Variants in ATRNL1 observed in about 807,000 individuals in gnomAD.
ATRNL1 encodes the protein attractin-like protein 1.
In ATRNL1, 95 loss-of-function variants were observed where a neutral mutation model predicts 182.7. The observed-to-expected ratio is 0.52, with a 90% CI of 0.44 to 0.62. The LOEUF is 0.62. Among genes scored for constraint, ATRNL1 ranks in the 20% least tolerant of loss-of-function variants. ATRNL1 has a pLI of 0.00. For missense variants in ATRNL1, 1,471 were observed against 1,679.5 expected (o/e 0.88, Z 2.17); for synonymous variants, 576 against 568.3 (o/e 1.01, Z -0.19).
chr10:115,444,206 T>C (rs1592666876), intron 21 of ATRNL1, among the ~76,000 whole-genome samples: 1 of 152,248 alleles, frequency 6.6e-6, no homozygotes, highest in East Asian at 1.9e-4. Context: ...TTTGTCAGGT[T>C]GTTGGATACA....
intron 27 of ATRNL1, among the ~76,000 whole-genome samples, chr10:115,837,992 C>A (rs1555096017): frequency 6.6e-6 from 1 of 152,140 alleles, no homozygotes; most frequent in Non-Finnish European, 1.5e-5. Flanking sequence ...CTACTTTTTG[C>A]CAGTCACTAT....
chr10:115,471,141 T>C (rs1848290947), intron 24 of ATRNL1, among the ~76,000 whole-genome samples: 1 of 150,786 alleles, frequency 6.6e-6, no homozygotes, highest in Non-Finnish European at 1.5e-5. Context: ...TTTAAAGGCT[T>C]AATAATATTC....
At chr10:115,620,695 C>T (rs1351627608) in intron 26 of ATRNL1, among the ~76,000 whole-genome samples, 1 of 152,170 alleles carries the variant, frequency 6.6e-6, no homozygotes, top group Non-Finnish European at 1.5e-5. Context: ...TATGAGTTCT[C>T]ATTTATTAAA....
chr10:115,897,917 G>A (rs1383494951), intron 28 of ATRNL1, among the ~76,000 whole-genome samples: 5 of 151,112 alleles, frequency 3.3e-5, no homozygotes, highest in South Asian at 2.1e-4. Flanking sequence ...ATATATTCTC[G>A]TATAGGTCAT....
intron 27 of ATRNL1, among the ~76,000 whole-genome samples, chr10:115,744,604 T>G (rs2134104782): frequency 6.6e-6 from 1 of 152,230 alleles, no homozygotes; most frequent in Non-Finnish European, 1.5e-5. Context: ...GTAATAAAGA[T>G]ATTTCATTAT....
chr10:115,315,642 G>A lies in ATRNL1; in HGVS notation c.2943G>A (p.Met981Ile). Reference sequence around the variant, plus strand: ...TTGAAGGTTCTTCACGGGGACCAATGAAGCTTATTGGAATGCACCACAGTG... The same window carrying A: ...TTGAAGGTTCTTCACGGGGACCAATAAAGCTTATTGGAATGCACCACAGTG... ...HCIEGSSRGP[M>I]KLIGMHHSEM... The change falls in exon 18 of 29, where the codon ATG (methionine) becomes ATA (isoleucine). Residue 981 changes from methionine to isoleucine, a missense_variant. Coordinates refer to ENST00000355044, the MANE Select transcript of ATRNL1 (RefSeq NM_207303.4). The A allele has an allele frequency of 6.2e-7, 1 of 1,613,846 alleles. No individual in the cohort carries two copies. Among genetic ancestry groups the A allele is most frequent in the South Asian group, 1.1e-5 (1 of 91,076 alleles).
chr10:115,099,222 A>G (rs2085098650), intron 1 of ATRNL1, among the ~76,000 whole-genome samples: 2 of 152,180 alleles, frequency 1.3e-5, no homozygotes, highest in Non-Finnish European at 1.5e-5. Flanking sequence ...CTTCTTTCAC[A>G]CAGCGTGTTT....
chr10:115,131,889 A>G (rs1453485339), intron 5 of ATRNL1, among the ~76,000 whole-genome samples: 2 of 152,200 alleles, frequency 1.3e-5, no homozygotes, highest in African/African-American at 4.8e-5. Flanking sequence ...GATAACACAG[A>G]GGAAAAACCT....
intron 26 of ATRNL1, among the ~76,000 whole-genome samples, chr10:115,677,564 A>AG (rs1945904749): frequency 6.6e-6 from 1 of 152,028 alleles, no homozygotes; most frequent in African/African-American, 2.4e-5. Context: ...TGGGTTTATC[A>AG]GGGGTTTCTG....
At chr10:115,784,811 A>G (rs1949356904) in intron 27 of ATRNL1, among the ~76,000 whole-genome samples, 1 of 152,096 alleles carries the variant, frequency 6.6e-6, no homozygotes. Flanking sequence ...ACCCACCCTA[A>G]TCCAATACGA....
At chr10:115,504,656 A>C (rs1554980851) in intron 24 of ATRNL1, among the ~76,000 whole-genome samples, 1 of 152,122 alleles carries the variant, frequency 6.6e-6, no homozygotes. Flanking sequence ...AATTCTTAAC[A>C]CATTTTTAAT....
intron 26 of ATRNL1, among the ~76,000 whole-genome samples, chr10:115,720,150 A>T (rs1947378308): frequency 1.3e-5 from 2 of 152,174 alleles, no homozygotes; most frequent in Non-Finnish European, 2.9e-5. Context: ...GGTGTGAGCC[A>T]CTGCGTCTGG....
chr10:115,427,148 T>C (rs1472494937), intron 21 of ATRNL1, among the ~76,000 whole-genome samples: 1 of 152,198 alleles, frequency 6.6e-6, no homozygotes, highest in Non-Finnish European at 1.5e-5. Flanking sequence ...TTAGAGTTAG[T>C]CCAAGTTTTA....
intron 7 of ATRNL1, among the ~76,000 whole-genome samples, chr10:115,165,888 A>C (rs1444623726): frequency 6.6e-6 from 1 of 152,140 alleles, no homozygotes; most frequent in Non-Finnish European, 1.5e-5. Flanking sequence ...TGCCTAGTCA[A>C]TCACTTAAAA....
At chr10:115,596,937 CATTTATTTCCT>C (rs1856279754) in intron 26 of ATRNL1, among the ~76,000 whole-genome samples, 1 of 151,876 alleles carries the variant, frequency 6.6e-6, no homozygotes, top group South Asian at 2.1e-4. Context: ...TATAATGTTA[CATTTATTTCCT>C]ATTTATTTTG....
chr10:115,103,330 C>T (rs149864390), intron 1 of ATRNL1, among the ~76,000 whole-genome samples: 244 of 152,046 alleles, frequency 1.6e-3, no homozygotes, highest in African/African-American at 5.5e-3. Flanking sequence ...TGAGCCACTG[C>T]GCCTGGTCAT....
At chr10:115,676,323 T>C (rs1332558381) in intron 26 of ATRNL1, among the ~76,000 whole-genome samples, 1 of 152,006 alleles carries the variant, frequency 6.6e-6, no homozygotes, top group African/African-American at 2.4e-5. Flanking sequence ...GCTTAACTCA[T>C]TAAAGAAAAC....
intron 26 of ATRNL1, among the ~76,000 whole-genome samples, chr10:115,678,964 A>G (rs1347218246): frequency 6.6e-6 from 1 of 152,140 alleles, no homozygotes; most frequent in Non-Finnish European, 1.5e-5. Context: ...TAAGTTAAAC[A>G]GTGTAAACCC....
In ATRNL1 at chr10:115,444,917, G is replaced by A. The variant is rs188877645; in HGVS notation, c.3323-17024G>A. Among the ~76,000 whole-genome samples the A allele has an allele frequency of 1.2e-3, 175 of 151,314 alleles. 1 individual carries two copies. In the East Asian group the frequency reaches 0.012, roughly 10 times the overall value. On this transcript the variant is annotated intron_variant, in intron 21 of 28. Transcript: ENST00000355044. ...AGCCTATTTTTGTATTTTTAGTAGA[G>A]ATGGGGTTTCACCATGTTGGCCAGG...
Sources: allele counts gnomAD v4.1 joint callset (sites outside exome capture counted in the v4.1 genomes callset), GRCh38; gene constraint gnomAD v4.1.1; transcripts MANE v1.5; gene names NCBI Gene and HGNC (gene_info 2026-07-23, HGNC 2026-07-21).